The following KLHL38 variants were observed in gnomAD, a reference collection of about 807,000 sequenced individuals.
The protein encoded by KLHL38 is kelch-like protein 38.
A neutral mutation model predicts 39.6 loss-of-function variants in KLHL38; 38 were observed. The observed-to-expected ratio is 0.96, with a 90% CI of 0.74 to 1.26. The LOEUF (loss-of-function observed/expected upper bound fraction) is 1.26, where lower values mean the gene tolerates loss of function less well. KLHL38 is among the 50% of genes most tolerant of loss of function. The probability of loss-of-function intolerance (pLI) is 0.00; values close to 1 mark genes in which losing one functional copy is unlikely to be tolerated. For synonymous variants in KLHL38, 322 were observed against 302.2 expected (o/e 1.07, Z -0.68); for missense variants, 803 against 748.1 (o/e 1.07, Z -0.86).
intron 2 of KLHL38, among the ~76,000 whole-genome samples, chr8:123,647,939 C>T (rs1414590146): frequency 2.0e-5 from 3 of 151,886 alleles, no homozygotes; most frequent in Non-Finnish European, 2.9e-5. Flanking sequence ...AAATTAGCTG[C>T]GTGTGGTAGT....
chr8:123,652,598 G>T lies in KLHL38; in HGVS notation c.329C>A (p.Ala110Asp). The change falls in exon 2 of 4, where the codon GCC becomes GAC. Residue 110 changes from alanine to aspartate, a missense_variant. By Grantham distance (126) the Ala-to-Asp change is moderately radical. Transcript: ENST00000684634. ...ATDNVLPVME[A>D]ASMLQFPKLF... is the part of the protein sequence containing the mutation. ...CTTGGGGAACTGTAGCATGGAGGCG[G>T]CCTCCATCACGGGGAGGACATTGTC... The T allele has an allele frequency of 6.2e-7, 1 of 1,614,186 alleles. No homozygotes were observed. Among genetic ancestry groups the T allele is most frequent in the Non-Finnish European group, 8.5e-7 (1 of 1,180,012 alleles).
rs1319166239 is a variant in KLHL38, at chr8:123,645,139, T to A, written c.*600A>T. 6.7e-6 allele frequency among the ~76,000 whole-genome samples: 1 copy of A among 148,602 alleles called. No individual in the cohort carries two copies. Among genetic ancestry groups the A allele is most frequent in the African/African-American group, 2.5e-5 (1 of 40,206 alleles). ...AGAGAGAGAGAAGAGAGACAGAAAC[T>A]GAGACAGAAAGGAGACAGGCCAGGC... On this transcript the variant is annotated 3_prime_UTR_variant, in exon 4 of 4. Coordinates refer to ENST00000684634, the MANE Select transcript of KLHL38 (RefSeq NM_001081675.3).
At chr8:123,647,806 C>T (rs557900738) in intron 2 of KLHL38, among the ~76,000 whole-genome samples, 10 of 152,284 alleles carry the variant, frequency 6.6e-5, no homozygotes, top group South Asian at 2.1e-4. Flanking sequence ...AGGCCGGGTG[C>T]GGTGGCTCAC....
Position 123,645,880 on chromosome 8 carries a change from G to A in KLHL38, c.1605C>T (p.Cys535=). The change falls in exon 4 of 4, where the codon TGC becomes TGT. Residue 535 remains cysteine, a synonymous_variant. Transcript: ENST00000684634. ...VTGGRRLTTD[C]NIEDSASFDC... is the part of the protein sequence containing the mutation. ...CGAAGGAGGCGGAGTCCTCAATGTTGCAGTCCGTGGTCAGCCGCCGCCCGC... is the reference window on the plus strand; with the variant it reads ...CGAAGGAGGCGGAGTCCTCAATGTTACAGTCCGTGGTCAGCCGCCGCCCGC... 6.2e-7 allele frequency: 1 copy of A among 1,614,106 alleles called. No homozygotes were observed. Among genetic ancestry groups the A allele is most frequent in the Non-Finnish European group, 8.5e-7 (1 of 1,180,026 alleles).
intron 2 of KLHL38, among the ~76,000 whole-genome samples, chr8:123,647,855 G>C (rs763285599): frequency 3.9e-5 from 6 of 152,150 alleles, no homozygotes; most frequent in Admixed American, 6.5e-5. Context: ...AAGGTGGGTG[G>C]ATCATGGAGG....
chr8:123,653,053 C>T (rs574108894), intron 1 of KLHL38, 126 bp from the exon 2 acceptor site: 182 of 930,968 alleles, frequency 2.0e-4, no homozygotes, highest in African/African-American at 1.6e-3. Flanking sequence ...ATGATGTTTG[C>T]GGATGTCACC....
In KLHL38 at chr8:123,652,347, C is replaced by T. The variant is rs758891075; in HGVS notation, c.580G>A (p.Glu194Lys). 49 of 1,613,812 alleles carry T rather than the reference C, an allele frequency of 3.0e-5. No individual in the cohort carries two copies. The highest frequency in any genetic ancestry group is 4.2e-5 in the Non-Finnish European group (49 of 1,180,050). The change falls in exon 2 of 4, where the codon GAA becomes AAA. Residue 194 changes from glutamate to lysine, a missense_variant. Physicochemically the swap from Glu to Lys is moderately conservative, Grantham distance 56. Transcript: ENST00000684634. ...ACCATGAGGGCCTCAAACACCTTTT[C>T]CTCCTCCCCACAGAGCCCATCATCT... is the stretch of plus-strand genomic sequence containing the variant. Reference protein sequence around the residue: ...LGDDGLCGEEEKVFEALMVWI... With the variant: ...LGDDGLCGEEKKVFEALMVWI...
At chr8:123,647,159 A>G (rs915623805) in intron 2 of KLHL38, 145 bp from the exon 3 acceptor site, 15 of 620,602 alleles carry the variant, frequency 2.4e-5, no homozygotes, top group African/African-American at 2.4e-4. Flanking sequence ...TATTGTTAAT[A>G]AACAAAACAG....
intron 2 of KLHL38, among the ~76,000 whole-genome samples, chr8:123,651,300 G>A (rs931131491): frequency 6.6e-6 from 1 of 152,186 alleles, no homozygotes; most frequent in Non-Finnish European, 1.5e-5. Flanking sequence ...TGCATGAATT[G>A]TATATGTGTA....
rs1262437838 is a variant in KLHL38 at position 123,646,928 on chromosome 8, C to T, written c.1437G>A (p.Glu479=). The change falls in exon 3 of 4, where the codon GAG becomes GAA. Residue 479 remains glutamate (E), a synonymous_variant. Transcript: ENST00000684634. The stretch of plus-strand genomic sequence containing the variant: ...ACTCACCTCCCACAATGACAATCCG[C>T]TCCCCAAGCACCACTGCAGGGGCAC... ...NVCAPAVVLG[E]RIVIVGGYTR... 6.2e-7 allele frequency: 1 copy of T among 1,612,608 alleles called. No individual in the cohort carries two copies.
rs569660536 is a variant in KLHL38 at position 123,650,915 on chromosome 8, G to C, written c.1350+662C>G. On this transcript the variant is annotated intron_variant, in intron 2 of 3. Transcript: ENST00000684634. ...GGGAATCTTCTTTTAAGGCCTTACT[G>C]ACTTGAGTTAGAAGCACCTGCCAAA... 2.0e-5 allele frequency among the ~76,000 whole-genome samples: 3 copies of C among 152,304 alleles called. No homozygotes were observed. The South Asian group carries it at 6.2e-4, about 32-fold the overall frequency.
Position 123,652,221 on chromosome 8 carries a change from T to C in KLHL38, c.706A>G (p.Ile236Val). The stretch of plus-strand genomic sequence containing the variant: ...GACTGCAGGAGGGCATCGTTGGCGA[T>C]GAAGTGGTGAAAGAAGGCTGGGTGG... ...YIHPAFFHHF[I>V]ANDALLQSSP... Residue 236 changes from isoleucine to valine, a missense_variant, in exon 2 of 4, where the codon ATC (isoleucine) becomes GTC (valine). Ile to Val is a conservative substitution (Grantham distance 29, BLOSUM62 3). Transcript: ENST00000684634. 6.2e-7 allele frequency: 1 copy of C among 1,614,212 alleles called. No individual in the cohort carries two copies. The highest frequency in any genetic ancestry group is 8.5e-7 in the Non-Finnish European group (1 of 1,180,044).
intron 2 of KLHL38, among the ~76,000 whole-genome samples, chr8:123,651,098 A>T (rs554220380): frequency 6.6e-6 from 1 of 152,358 alleles, no homozygotes; most frequent in East Asian, 1.9e-4. Context: ...AAATTCATAA[A>T]TTGAAAAATA....
Position 123,651,838 on chromosome 8 carries a change from C to T in KLHL38, c.1089G>A (p.Trp363Ter). The change falls in exon 2 of 4, where the codon TGG becomes TGA. Residue 363 changes from tryptophan to a stop codon, truncating the protein, a stop_gained. Coordinates refer to ENST00000684634, the MANE Select transcript of KLHL38 (RefSeq NM_001081675.3). LOFTEE classifies it high-confidence loss of function. ...VYIFSLKLNQ[W>*]RLGEPMLVAR... ...CCACCAGCATGGGCTCCCCCAGCCT[C>T]CACTGATTGAGTTTCAGGGAGAAGA... 6.2e-7 allele frequency: 1 copy of T among 1,614,184 alleles called. No homozygotes were observed. The highest frequency in any genetic ancestry group is 8.5e-7 in the Non-Finnish European group (1 of 1,180,020).
intron 3 of KLHL38, among the ~76,000 whole-genome samples, 183 bp downstream of exon 3, chr8:123,646,726 T>G (rs1211718950): frequency 3.9e-5 from 6 of 152,218 alleles, no homozygotes; most frequent in African/African-American, 1.4e-4. Context: ...TGTTTACAGA[T>G]AAAGACAGGG....
chr8:123,652,708 G>A lies in KLHL38; in HGVS notation c.219C>T (p.Ala73=). 1 of 1,614,176 alleles carries A rather than the reference G, an allele frequency of 6.2e-7. No individual in the cohort carries two copies. The highest frequency in any genetic ancestry group is 8.5e-7 in the Non-Finnish European group (1 of 1,180,024). The change falls in exon 2 of 4, where the codon GCC becomes GCT. Residue 73 remains alanine (A), a synonymous_variant. Transcript: ENST00000684634. ...GGTCAATGCCTTTCAGCTGCACTTT[G>A]GCTTCACTCTTCTCCCGGAAGCTGC... ...FCSSFREKSE[A]KVQLKGIDPP... is the part of the protein sequence containing the mutation.
intron 1 of KLHL38, 56 bp from the exon 2 acceptor site, chr8:123,652,983 G>C: frequency 6.6e-7 from 1 of 1,521,306 alleles, no homozygotes; most frequent in Non-Finnish European, 8.8e-7. Flanking sequence ...TTTCTCAGCT[G>C]CATGTGCTGG....
chr8:123,646,935 A>G lies in KLHL38; in HGVS notation c.1430T>C (p.Leu477Pro). ...TCCCACAATGACAATCCGCTCCCCA[A>G]GCACCACTGCAGGGGCACACACGTT... ...IKNVCAPAVV[L>P]GERIVIVGGY... Residue 477 changes from leucine (L) to proline (P), a missense_variant, in exon 3 of 4, where the codon CTT becomes CCT. By Grantham distance (98) the Leu-to-Pro change is moderately conservative. Transcript: ENST00000684634. 3 of 1,613,298 alleles carry G rather than the reference A, an allele frequency of 1.9e-6. No individual in the cohort carries two copies. The highest frequency in any genetic ancestry group is 2.5e-6 in the Non-Finnish European group (3 of 1,179,616).
At position 123,652,369 on chromosome 8, in the gene KLHL38, A is replaced by G. The variant is rs1263367652; in HGVS notation, c.558T>C (p.Asp186=). ...CALELRDYLG[D]DGLCGEEEKV... ...TTTCCTCCTCCCCACAGAGCCCATCATCTCCGAGATAGTCCCTCAACTCCA... is the reference window on the plus strand; with the variant it reads ...TTTCCTCCTCCCCACAGAGCCCATCGTCTCCGAGATAGTCCCTCAACTCCA... The change falls in exon 2 of 4, where the codon GAT becomes GAC. Residue 186 remains aspartate, a synonymous_variant. Coordinates refer to ENST00000684634, the MANE Select transcript of KLHL38 (RefSeq NM_001081675.3). The G allele has an allele frequency of 6.2e-7, 1 of 1,613,790 alleles. No individual in the cohort carries two copies. The highest frequency in any genetic ancestry group is 8.5e-7 in the Non-Finnish European group (1 of 1,180,038).
Sources: allele counts gnomAD v4.1 joint callset (sites outside exome capture counted in the v4.1 genomes callset), GRCh38; gene constraint gnomAD v4.1.1; transcripts MANE v1.5; gene names NCBI Gene and HGNC (gene_info 2026-07-23, HGNC 2026-07-21).